Variants in TRAK1 observed in about 807,000 individuals in gnomAD.
TRAK1 encodes trafficking kinesin-binding protein 1.
In TRAK1, 33 loss-of-function variants were observed where a neutral mutation model predicts 92.1. The ratio of observed to expected loss-of-function variants is 0.36; its 90% confidence interval spans 0.27 to 0.48. TRAK1 has a LOEUF of 0.48. Ranked by LOEUF, TRAK1 falls within the 20% of genes least tolerant of loss-of-function variation. The pLI is 0.99. For missense variants in TRAK1, 1,123 were observed against 1,257.9 expected (o/e 0.89, Z 1.62); for synonymous variants, 521 against 517.3 (o/e 1.01, Z -0.10).
intron 1 of TRAK1, among the ~76,000 whole-genome samples, chr3:42,028,480 T>C (rs984477358): frequency 1.3e-5 from 2 of 151,980 alleles, no homozygotes; most frequent in Non-Finnish European, 2.9e-5. Context: ...CCCAATGTAG[T>C]AATAGATGTA....
intron 2 of TRAK1, among the ~76,000 whole-genome samples, chr3:42,132,951 C>T (rs1227937389): frequency 6.6e-6 from 1 of 152,224 alleles, no homozygotes; most frequent in Non-Finnish European, 1.5e-5. Flanking sequence ...ATTTCTGTAT[C>T]CTCCTGGCCA....
chr3:42,211,600 C>T (rs1709036892), intron 14 of TRAK1: 1 of 985,148 alleles, frequency 1.0e-6, no homozygotes, highest in African/African-American at 1.7e-5. Flanking sequence ...CCCCTACAGC[C>T]TTACAGGTAG....
At chr3:42,078,527 G>T (rs1228155407) in intron 1 of TRAK1, among the ~76,000 whole-genome samples, 1 of 152,040 alleles carries the variant, frequency 6.6e-6, no homozygotes, top group Admixed American at 6.6e-5. Context: ...GCTGAGGCAG[G>T]CGGATCATGA....
At position 42,051,658 on chromosome 3, in the gene TRAK1, G is replaced by C. The variant is rs961472180; in HGVS notation, c.-518-35446G>C. ...TCCATATGGACCAGCTTGAGCAGCT[G>C]AGTGGCTATTCGATGGCCCACGACC... On this transcript the variant is annotated intron_variant, in intron 1 of 16. Transcript: ENST00000487159. 3.3e-5 allele frequency: 5 copies of C among 152,254 alleles called. No homozygotes were observed. The East Asian group carries it at 9.6e-4, about 29-fold the overall frequency. 9.4% of individuals were successfully genotyped at this position (152,254 alleles called of 1,614,324 possible).
chr3:42,090,529 T>C (rs1704962700), upstream of TRAK1, among the ~76,000 whole-genome samples: 1 of 152,062 alleles, frequency 6.6e-6, no homozygotes, highest in Non-Finnish European at 1.5e-5. Context: ...CTACTAAAAA[T>C]ATAAAAACTA....
rs574048628 is a variant in TRAK1 at position 42,172,278 on chromosome 3, TGGG to T, written c.287-4533_287-4531del. ...TACTGTCCCAGTGCCAGTGGTTTCT[TGGG>T]GGCACCGCATCTTGCCTCTGACTTT... On this transcript the variant is annotated intron_variant, in intron 2 of 15. Transcript: ENST00000327628. Among the ~76,000 whole-genome samples, 487 of 152,306 alleles carry T rather than the reference TGGG, an allele frequency of 3.2e-3. 2 individuals carry two copies. Among genetic ancestry groups the T allele is most frequent in the Non-Finnish European group, 5.0e-3 (339 of 68,018 alleles).
Position 42,194,848 on chromosome 3 carries a change from G to T in TRAK1, c.1020G>T (p.Leu340=), listed in dbSNP as rs1459726260. The change falls in exon 10 of 16, where the codon CTG becomes CTT. Residue 340 remains leucine, a synonymous_variant. Transcript: ENST00000327628. ...AGTACGCAGAGTGCATGGAGATGCT[G>T]CATGAGGCGCAGGAGGAGCTGAAGA... The part of the protein sequence containing the change: ...EDKYAECMEM[L]HEAQEELKNL... The T allele has an allele frequency of 1.9e-6, 3 of 1,613,854 alleles. No individual in the cohort carries two copies. Among genetic ancestry groups the T allele is most frequent in the Non-Finnish European group, 2.5e-6 (3 of 1,179,892 alleles).
chr3:42,195,326 C>T (rs1706452933), intron 10 of TRAK1, among the ~76,000 whole-genome samples: 1 of 152,202 alleles, frequency 6.6e-6, no homozygotes, highest in East Asian at 1.9e-4. Context: ...ATTTAATAGA[C>T]ATTACGTTTA....
rs775539118 is a variant in TRAK1, at chr3:42,027,173, A to G, written c.-519+13056A>G. On this transcript the variant is annotated intron_variant, in intron 1 of 16. Transcript: ENST00000487159. ...AAAAATAATGAGATAATATGTGCAT[A>G]CATTAGTGGCATATCTTACTCTAAT... Among the ~76,000 whole-genome samples the G allele has an allele frequency of 1.3e-3, 197 of 152,334 alleles. 1 individual carries two copies. Among genetic ancestry groups the G allele is most frequent in the Non-Finnish European group, 2.9e-4 (20 of 68,032 alleles).
Position 42,196,002 on chromosome 3 carries a change from C to G in TRAK1, c.1113+1061C>G, listed in dbSNP as rs9819184. On this transcript the variant is annotated intron_variant, in intron 10 of 15. Transcript: ENST00000327628. ...GTTTCCTGGGCACCCAGGATCCACT[C>G]CACTGCCTTCCCCACTCTCAAGGGC... Among the ~76,000 whole-genome samples the G allele has an allele frequency of 9.6e-3, 1,456 of 152,306 alleles. 25 individuals are homozygous for G. Among genetic ancestry groups the G allele is most frequent in the African/African-American group, 0.033 (1,374 of 41,554 alleles).
At chr3:42,129,746 A>G (rs932907379) in intron 2 of TRAK1, among the ~76,000 whole-genome samples, 16 of 152,190 alleles carry the variant, frequency 1.1e-4, no homozygotes, top group Admixed American at 3.9e-4. Flanking sequence ...CATTCTGCAC[A>G]TGAGGATGGC....
chr3:42,102,923 A>G (rs1019929993), intron 1 of TRAK1, among the ~76,000 whole-genome samples: 4 of 152,018 alleles, frequency 2.6e-5, no homozygotes, highest in Admixed American at 2.0e-4. Flanking sequence ...ACTTACTTTC[A>G]CATTTCTTGT....
intron 1 of TRAK1, among the ~76,000 whole-genome samples, chr3:42,096,780 C>T (rs1705990199): frequency 6.6e-6 from 1 of 152,226 alleles, no homozygotes; most frequent in Non-Finnish European, 1.5e-5. Context: ...GACAGAACCA[C>T]TGCAGCAGCC....
intron 1 of TRAK1, among the ~76,000 whole-genome samples, chr3:42,014,912 T>TG (rs1458984899): frequency 6.6e-6 from 1 of 152,178 alleles, no homozygotes; most frequent in Non-Finnish European, 1.5e-5. Flanking sequence ...TAACCTTTTC[T>TG]GGAGGGTCTT....
At chr3:42,160,563 GTTTTTGTT>G (rs1194781587) in intron 2 of TRAK1, 6 of 1,002,772 alleles carry the variant, frequency 6.0e-6, no homozygotes, top group Non-Finnish European at 5.4e-6. Context: ...GCACTGTTTT[GTTTTTGTT>G]TTTTTTTAAG....
chr3:42,223,096 G>A lies in TRAK1; in HGVS notation c.2221G>A (p.Val741Met), dbSNP rs753705501. 2.9e-5 allele frequency: 46 copies of A among 1,613,904 alleles called. No individual in the cohort carries two copies. Among genetic ancestry groups the A allele is most frequent in the Middle Eastern group, 1.6e-4 (1 of 6,084 alleles). Reference sequence around the variant, plus strand: ...CACCATGAGCACATCCCTGGGGCTCGTGTGGCTGTTGAAGGAGCGGGGCAT... The same window carrying A: ...CACCATGAGCACATCCCTGGGGCTCATGTGGCTGTTGAAGGAGCGGGGCAT... ...TTTMSTSLGL[V>M]WLLKERGISA... The change falls in exon 16 of 16, where the codon GTG becomes ATG. Residue 741 changes from valine (V) to methionine (M), a missense_variant. Physicochemically the swap from Val to Met is conservative, Grantham distance 21 (BLOSUM62 1). Around this residue, in one of 3 missense-constraint regions of TRAK1, gnomAD observed 401 missense variants for 438.9 expected, o/e 0.91. Transcript: ENST00000327628. This position sits in a 1 kb window ranked among gnomAD's most constrained non-coding sequence, Gnocchi z 6.1.
chr3:42,182,403 C>T (rs781316732), intron 3 of TRAK1, among the ~76,000 whole-genome samples: 1 of 151,910 alleles, frequency 6.6e-6, no homozygotes, highest in Non-Finnish European at 1.5e-5. Flanking sequence ...AGTGATTCTC[C>T]TGCCTCAGCC....
intron 1 of TRAK1, among the ~76,000 whole-genome samples, chr3:42,048,337 C>G (rs779975726): frequency 6.6e-6 from 1 of 152,020 alleles, no homozygotes; most frequent in Non-Finnish European, 1.5e-5. Flanking sequence ...CCACAGTGCC[C>G]AAGAGTAATG....
At position 42,201,046 on chromosome 3, in the gene TRAK1, C is replaced by T. The variant is rs143049389; in HGVS notation, c.1419C>T (p.Ala473=). ...GCATCATTCTGGAAACAGAGGCAGCCGACCTGGGGTGAGCAAGCTGGGAGT... is the reference window on the plus strand; with the variant it reads ...GCATCATTCTGGAAACAGAGGCAGCTGACCTGGGGTGAGCAAGCTGGGAGT... The part of the protein sequence containing the change: ...TNSIILETEA[A]DLGNDERSKK... The change falls in exon 12 of 16, where the codon GCC becomes GCT. Residue 473 remains alanine, a synonymous_variant. Coordinates refer to ENST00000327628, the MANE Select transcript of TRAK1 (RefSeq NM_001042646.3). The T allele has an allele frequency of 5.7e-3, 9,145 of 1,614,124 alleles. 45 individuals carry two copies. The highest frequency in any genetic ancestry group is 6.6e-3 in the Non-Finnish European group (7,784 of 1,180,002).
Sources: gnomAD v4.1 joint callset for allele counts (sites outside exome capture counted in the v4.1 genomes callset) on GRCh38, gnomAD v4.1.1 for gene constraint, gnomAD v4.1.1 regional missense constraint, Gnocchi (gnomAD v3.1) non-coding constraint, MANE v1.5 for transcripts, NCBI Gene and HGNC (gene_info 2026-07-23, HGNC 2026-07-21) for gene names.